The following ENTHD1 variants were observed in gnomAD, a reference collection of about 807,000 sequenced individuals.
ENTHD1 encodes ENTH domain containing 1.
Under a neutral mutation model 39.1 loss-of-function variants are expected in ENTHD1, and 23 were observed. That is an observed-to-expected ratio of 0.59 (90% CI 0.42 to 0.83). ENTHD1 has a LOEUF of 0.83. Ranked by LOEUF, ENTHD1 falls within the 40% of genes least tolerant of loss-of-function variation. ENTHD1 has a pLI of 0.00. For missense variants in ENTHD1, 624 were observed against 705.4 expected, an observed-to-expected ratio of 0.88 and a Z score of 1.31; for synonymous variants, 230 against 258.2, an observed-to-expected ratio of 0.89 and a Z score of 1.05.
intron 6 of ENTHD1, among the ~76,000 whole-genome samples, chr22:39,756,287 GTCTC>G (rs769318998): frequency 0.011 from 1,533 of 144,290 alleles, 40 homozygotes; most frequent in South Asian, 0.093. Flanking sequence ...CAATGTCTCT[GTCTC>G]TCTCTCTCTC....
intron 6 of ENTHD1, among the ~76,000 whole-genome samples, chr22:39,755,464 T>C (rs2065177996): frequency 6.6e-6 from 1 of 152,144 alleles, no homozygotes. Context: ...TTTAAGAACA[T>C]GGTGATCAGT....
intron 6 of ENTHD1, among the ~76,000 whole-genome samples, chr22:39,752,688 A>T (rs1434132763): frequency 2.6e-5 from 4 of 152,232 alleles, no homozygotes; most frequent in Non-Finnish European, 5.9e-5. Flanking sequence ...TGGATTAAAG[A>T]TGAGTTTTCT....
chr22:39,813,896 T>G (rs1238359229), intron 5 of ENTHD1, among the ~76,000 whole-genome samples: 3 of 152,232 alleles, frequency 2.0e-5, no homozygotes, highest in Non-Finnish European at 4.4e-5. Context: ...AACTTAATTC[T>G]ATTCATTTTC....
chr22:39,786,868 A>AT (rs563083072), intron 5 of ENTHD1, among the ~76,000 whole-genome samples: 3 of 152,274 alleles, frequency 2.0e-5, no homozygotes, highest in Non-Finnish European at 2.9e-5. Flanking sequence ...AAATGACAGG[A>AT]TTTTTTTAAA....
intron 6 of ENTHD1, among the ~76,000 whole-genome samples, chr22:39,759,142 TC>T (rs1255851176): frequency 6.6e-6 from 1 of 152,166 alleles, no homozygotes; most frequent in Non-Finnish European, 1.5e-5. Context: ...AGTTGGGTAG[TC>T]CTTCCTTTTC....
chr22:39,879,156 G>C (rs552642528), intron 2 of ENTHD1, among the ~76,000 whole-genome samples: 144 of 151,994 alleles, frequency 9.5e-4, no homozygotes, highest in African/African-American at 3.3e-3. Context: ...AACCTTAACA[G>C]ACACCTCATT....
At chr22:39,793,796 C>G (rs113752078) in intron 5 of ENTHD1, among the ~76,000 whole-genome samples, 1 of 152,192 alleles carries the variant, frequency 6.6e-6, no homozygotes, top group African/African-American at 2.4e-5. Flanking sequence ...TCTGTGTTCT[C>G]TCTCCTGTTC....
chr22:39,832,013 T>C (rs1198856568), intron 4 of ENTHD1, among the ~76,000 whole-genome samples: 1 of 151,918 alleles, frequency 6.6e-6, no homozygotes, highest in Non-Finnish European at 1.5e-5. Flanking sequence ...AAATGAAAAA[T>C]AGAGTTATTG....
At chr22:39,811,048 T>G (rs2065681575) in intron 5 of ENTHD1, among the ~76,000 whole-genome samples, 1 of 152,214 alleles carries the variant, frequency 6.6e-6, no homozygotes. Context: ...GCACTCTTGA[T>G]GCTACATGTA....
chr22:39,761,707 T>C (rs922422692), intron 6 of ENTHD1, among the ~76,000 whole-genome samples: 1 of 152,206 alleles, frequency 6.6e-6, no homozygotes, highest in African/African-American at 2.4e-5. Flanking sequence ...ATTTTTAATC[T>C]TCTGCTAAGC....
rs1038899257 is a variant in ENTHD1 at position 39,867,351 on chromosome 22, A to G, written c.350-5344T>C. Among the ~76,000 whole-genome samples, 1 of 151,972 alleles carries G rather than the reference A, an allele frequency of 6.6e-6. No homozygotes were observed. Among genetic ancestry groups the G allele is most frequent in the African/African-American group, 2.4e-5 (1 of 41,378 alleles). ...TAAAACACGTGCTAGGCTTCAAACA[A>G]TCGTAAAAATCTTAATACTCCTGTC... is the stretch of plus-strand genomic sequence containing the variant. On this transcript the variant is annotated intron_variant, in intron 2 of 6. Coordinates refer to ENST00000325157, the MANE Select transcript of ENTHD1 (RefSeq NM_152512.4). The surrounding 1 kb of genome is among the most constrained non-coding windows in gnomAD (Gnocchi z 4.5).
intron 5 of ENTHD1, among the ~76,000 whole-genome samples, chr22:39,788,559 A>T (rs1308836754): frequency 6.6e-6 from 1 of 152,226 alleles, no homozygotes; most frequent in Admixed American, 6.5e-5. Flanking sequence ...TTGCAATGTC[A>T]TCAAGGAACT....
intron 3 of ENTHD1, among the ~76,000 whole-genome samples, chr22:39,842,101 G>C (rs943489359): frequency 6.6e-6 from 1 of 151,684 alleles, no homozygotes; most frequent in African/African-American, 2.4e-5. Context: ...TCTGCCGAGA[G>C]ATCTGCTGTT....
chr22:39,794,629 C>A (rs183545661), intron 5 of ENTHD1, among the ~76,000 whole-genome samples: 22 of 151,968 alleles, frequency 1.4e-4, no homozygotes, highest in Non-Finnish European at 2.8e-4. Flanking sequence ...GGTGAAACCC[C>A]GTCTCTACTA....
chr22:39,875,765 A>G (rs2066284067), intron 2 of ENTHD1: 8 of 1,613,324 alleles, frequency 5.0e-6, no homozygotes, highest in Non-Finnish European at 5.9e-6. Flanking sequence ...GTTATCCGAT[A>G]TTCCAGAAGG....
Position 39,888,519 on chromosome 22 carries a change from C to A in ENTHD1, c.-155-616G>T, listed in dbSNP as rs147404319. ...CTTGGCTCACTGCAACCTCTGCCAC[C>A]CGGGTTCAAGCGATTATCCTGCCTC... On this transcript the variant is annotated intron_variant, in intron 1 of 6. Coordinates refer to ENST00000325157, the MANE Select transcript of ENTHD1 (RefSeq NM_152512.4). Among the ~76,000 whole-genome samples, 188 of 152,070 alleles carry A rather than the reference C, an allele frequency of 1.2e-3. 3 individuals are homozygous for A. The East Asian group carries it at 0.028, about 23-fold the overall frequency.
intron 6 of ENTHD1, among the ~76,000 whole-genome samples, chr22:39,754,801 C>T (rs2065172832): frequency 6.6e-6 from 1 of 152,208 alleles, no homozygotes; most frequent in East Asian, 1.9e-4. Context: ...TGAAGTGTTC[C>T]TCACCTCCAA....
intron 4 of ENTHD1, among the ~76,000 whole-genome samples, chr22:39,828,078 A>G (rs1407530685): frequency 6.6e-6 from 1 of 152,240 alleles, no homozygotes; most frequent in Non-Finnish European, 1.5e-5. Context: ...GATGTCCATG[A>G]TATATTGTTC....
intron 6 of ENTHD1, among the ~76,000 whole-genome samples, chr22:39,753,842 C>T (rs1426292536): frequency 6.6e-6 from 1 of 152,160 alleles, no homozygotes; most frequent in African/African-American, 2.4e-5. Context: ...CTTTTCTTCT[C>T]GCTTACTTCC....
Sources: allele counts gnomAD v4.1 joint callset (sites outside exome capture counted in the v4.1 genomes callset), GRCh38; gene constraint gnomAD v4.1.1; non-coding constraint Gnocchi (gnomAD v3.1); transcripts MANE v1.5; gene names NCBI Gene and HGNC (gene_info 2026-07-23, HGNC 2026-07-21).